Variants in COMMD5 observed in about 807,000 individuals in gnomAD.
COMMD5 encodes the protein COMM domain-containing protein 5.
In COMMD5, 10 loss-of-function variants were observed where a neutral mutation model predicts 6.9. The ratio of observed to expected loss-of-function variants is 1.44; its 90% CI spans 0.89 to 2.45. COMMD5 has a LOEUF of 2.45. Among genes scored for constraint, COMMD5 ranks in the 30% most tolerant of loss-of-function variants. The probability of loss-of-function intolerance (pLI) is 0.00; values close to 1 mark genes in which losing one functional copy is unlikely to be tolerated. For missense variants in COMMD5, 234 were observed against 287.8 expected, an observed-to-expected ratio of 0.81 and a Z score of 1.35; for synonymous variants, 127 against 125.3, an observed-to-expected ratio of 1.01 and a Z score of -0.09.
chr8:144,841,174 G>A lies in COMMD5; in HGVS notation c.*686C>T, dbSNP rs1829858040. ...ATCGAATGAGTGAACAAGGTAAAAA[G>A]TATGAAACCACTTTTGAGAACTGTC... On this transcript the variant is annotated 3_prime_UTR_variant and NMD_transcript_variant, in exon 2 of 2. Coordinates refer to the COMMD5 transcript ENST00000530332. 56 of 664,230 alleles carry A rather than the reference G, an allele frequency of 8.4e-5. No individual in the cohort carries two copies. In the East Asian group the frequency reaches 1.4e-3, roughly 17 times the overall value. The allele number at this position is 664,230 out of a possible 1,614,324, so 41.1% of individuals were successfully genotyped here. A position where few individuals can be genotyped will look rare whatever the true frequency, so the allele number is the denominator to read the frequency against.
chr8:144,844,812 G>T, intron 1 of COMMD5, among the ~76,000 whole-genome samples: 1 of 151,838 alleles, frequency 6.6e-6, no homozygotes, highest in Admixed American at 6.6e-5. Flanking sequence ...ATGAGAGGGA[G>T]TGGGGAAAGA....
At chr8:144,843,111 C>T (rs1193297908) in intron 1 of COMMD5, 1 of 1,611,234 alleles carries the variant, frequency 6.2e-7, no homozygotes, top group African/African-American at 1.3e-5. Context: ...ATGACTGTGG[C>T]AAAGCTTTTA....
At chr8:144,839,659 G>C (rs1440320559), downstream of COMMD5, among the ~76,000 whole-genome samples, 2 of 152,258 alleles carry the variant, frequency 1.3e-5, no homozygotes, top group Admixed American at 1.3e-4. Context: ...AGACCTGAGA[G>C]TCCGGGGCAG....
At chr8:144,843,634 T>G (rs1305957753) in intron 1 of COMMD5, 1 of 152,968 alleles carries the variant, frequency 6.5e-6, no homozygotes, top group Non-Finnish European at 1.5e-5. Flanking sequence ...AAAATGTATG[T>G]TTATTTCCTG....
chr8:144,843,721 A>C (rs1048298119), intron 1 of COMMD5: 2 of 152,248 alleles, frequency 1.3e-5, no homozygotes, highest in Admixed American at 1.3e-4. Context: ...TTGAGTTGAC[A>C]GGTCCCTGTG....
Position 144,851,041 on chromosome 8 carries a change from G to T in COMMD5, c.298C>A (p.Pro100Thr). The change falls in exon 2 of 2, where the codon CCC (proline) becomes ACC (threonine). Residue 100 changes from proline to threonine, a missense_variant. Pro to Thr is a conservative substitution (Grantham distance 38, BLOSUM62 -1). Coordinates refer to ENST00000305103, the MANE Select transcript of COMMD5 (RefSeq NM_014066.4). ...HTLLQQALRL[P>T]PTSLKPDTFR... The stretch of plus-strand genomic sequence containing the variant: ...GTGTCAGGCTTCAGGCTGGTGGGGG[G>T]CAGACGGAGGGCCTGCTGGAGCAGT... 1 of 1,612,518 alleles carries T rather than the reference G, an allele frequency of 6.2e-7. No homozygotes were observed. The highest frequency in any genetic ancestry group is 1.1e-5 in the South Asian group (1 of 91,022).
At chr8:144,842,994 T>G (rs749763735) in intron 1 of COMMD5, 3 of 1,614,204 alleles carry the variant, frequency 1.9e-6, no homozygotes, top group South Asian at 1.1e-5. Flanking sequence ...AGGTTAATAC[T>G]ATAAAGAAAC....
At chr8:144,840,214 A>G (rs1829697719), downstream of COMMD5, among the ~76,000 whole-genome samples, 2 of 152,214 alleles carry the variant, frequency 1.3e-5, no homozygotes, top group Admixed American at 1.3e-4. Flanking sequence ...GCAGCACATG[A>G]GGACCAGGCC....
In COMMD5 at chr8:144,850,641, A is replaced by T; in HGVS notation, c.*23T>A. ...CAGGTGCCTGTCCAAGCCGGATCTG[A>T]ATGGGACTGGTCAAGTGAGGGGTCA... On this transcript the variant is annotated 3_prime_UTR_variant, in exon 2 of 2. Transcript: ENST00000305103. This position sits in a 1 kb window ranked among gnomAD's most constrained non-coding sequence, Gnocchi z 4.0. 1 of 1,602,810 alleles carries T rather than the reference A, an allele frequency of 6.2e-7. No homozygotes were observed. Among genetic ancestry groups the T allele is most frequent in the Non-Finnish European group, 8.5e-7 (1 of 1,172,896 alleles).
chr8:144,844,916 G>T lies in COMMD5; in HGVS notation c.*117-3173C>A, dbSNP rs867056133. 1.5e-4 allele frequency among the ~76,000 whole-genome samples: 22 copies of T among 150,218 alleles called. 1 individual carries two copies. The highest frequency in any genetic ancestry group is 2.7e-4 in the Admixed American group (4 of 14,994). On this transcript the variant is annotated intron_variant and NMD_transcript_variant, in intron 1 of 1. Coordinates refer to the COMMD5 transcript ENST00000530332. ...AGGGAGTGGGGAAAGAGGACTCTGGGGAGAACTTAGGGAGAGGAAGTGGGG... is the reference window on the plus strand; with the variant it reads ...AGGGAGTGGGGAAAGAGGACTCTGGTGAGAACTTAGGGAGAGGAAGTGGGG...
At chr8:144,839,662 C>T (rs905823251), downstream of COMMD5, among the ~76,000 whole-genome samples, 54 of 152,330 alleles carry the variant, frequency 3.5e-4, no homozygotes, top group African/African-American at 8.9e-4. Context: ...CCTGAGAGTC[C>T]GGGGCAGGGA....
downstream of COMMD5, chr8:144,838,397 G>A (rs1381932210): frequency 1.5e-5 from 7 of 471,482 alleles, no homozygotes; most frequent in Admixed American, 7.4e-5. Context: ...CACTGCCTCC[G>A]GCATCAGCTC....
At chr8:144,841,333 T>C in exon 2 of COMMD5, 1 of 1,583,724 alleles carries the variant, frequency 6.3e-7, no homozygotes, top group Non-Finnish European at 8.6e-7. Context: ...CTAAGGAACG[T>C]CTTTGTTCCT....
chr8:144,843,156 T>TG, intron 1 of COMMD5: 1 of 1,588,138 alleles, frequency 6.3e-7, no homozygotes, highest in Non-Finnish European at 8.5e-7. Context: ...ATCAAAAAAT[T>TG]CACATGGGAT....
intron 1 of COMMD5, chr8:144,842,697 C>G: frequency 6.2e-7 from 1 of 1,613,888 alleles, no homozygotes; most frequent in Non-Finnish European, 8.5e-7. Context: ...GCCTCCAATG[C>G]GGAAAAGCCT....
intron 1 of COMMD5, chr8:144,841,970 G>C (rs752645345): frequency 6.2e-7 from 1 of 1,614,152 alleles, no homozygotes. Context: ...AAAGCCTTCC[G>C]CCTGAGCTCA....
downstream of COMMD5, chr8:144,846,703 T>G (rs1255696127): frequency 6.6e-6 from 1 of 151,442 alleles, no homozygotes; most frequent in African/African-American, 2.5e-5. Context: ...GGAGGAGGAG[T>G]CTTCTTTTTT....
At position 144,852,266 on chromosome 8, in the gene COMMD5, G is replaced by C. The variant is rs1004802953; in HGVS notation, c.-58+573C>G. ...AAGTCAAGGACTGAAGCCTAGACCT[G>C]TCTATTCAGAAGTCCCAGCTGTTTC... On this transcript the variant is annotated intron_variant, in intron 1 of 1. Transcript: ENST00000305103. 45 of 152,370 alleles carry C rather than the reference G, an allele frequency of 3.0e-4. 2 individuals carry two copies. The highest frequency in any genetic ancestry group is 1.9e-4 in the East Asian group (1 of 5,184). The allele number at this position is 152,370 out of a possible 1,614,324, so 9.4% of individuals were successfully genotyped here. A position where few individuals can be genotyped will look rare whatever the true frequency, so the allele number is the denominator to read the frequency against.
chr8:144,844,400 TAAAG>T (rs145254832), intron 1 of COMMD5, among the ~76,000 whole-genome samples: 254 of 151,780 alleles, frequency 1.7e-3, no homozygotes, highest in African/African-American at 5.9e-3. Flanking sequence ...GAGGAGGAAA[TAAAG>T]ACAGTGGAGA....
Sources: allele counts gnomAD v4.1 joint callset (sites outside exome capture counted in the v4.1 genomes callset), GRCh38; gene constraint gnomAD v4.1.1; non-coding constraint Gnocchi (gnomAD v3.1); transcripts MANE v1.5; gene names NCBI Gene and HGNC (gene_info 2026-07-23, HGNC 2026-07-21).